Variants in SLC4A4 observed in about 807,000 individuals in gnomAD.
The protein encoded by SLC4A4 is solute carrier family 4 member 4.
Under a neutral mutation model 111.5 loss-of-function variants are expected in SLC4A4, and 27 were observed. The observed-to-expected ratio is 0.24, with a 90% CI of 0.18 to 0.33. The LOEUF is 0.33. SLC4A4 is among the 10% of genes least tolerant of loss of function. SLC4A4 has a pLI of 1.00. For synonymous variants in SLC4A4, 443 were observed against 463.4 expected, an observed-to-expected ratio of 0.96 and a Z score of 0.57; for missense variants, 909 against 1,315.5, an observed-to-expected ratio of 0.69 and a Z score of 4.78.
intron 2 of SLC4A4, among the ~76,000 whole-genome samples, chr4:71,101,163 G>C (rs966922632): frequency 2.6e-5 from 4 of 152,194 alleles, no homozygotes; most frequent in Non-Finnish European, 5.9e-5. Context: ...GGAGGCTGAG[G>C]CAGGAGAATG....
Position 71,236,556 on chromosome 4 carries a change from T to C in SLC4A4, c.-1-20T>C. ...CCAGGAGAAGTCTGAGCATTCTTTT[T>C]TTCTTTTTTATTACTATAGGATGGA... On this transcript the variant is annotated intron_variant, in intron 1 of 25. Transcript: ENST00000264485. 1 of 1,609,696 alleles carries C rather than the reference T, an allele frequency of 6.2e-7. No individual in the cohort carries two copies. The highest frequency in any genetic ancestry group is 1.1e-5 in the South Asian group (1 of 90,858).
chr4:71,443,228 G>A (rs758305324), intron 8 of SLC4A4, among the ~76,000 whole-genome samples: 3 of 148,690 alleles, frequency 2.0e-5, no homozygotes, highest in Non-Finnish European at 3.0e-5. Context: ...TTGGCTCACT[G>A]CAACCCCCGC....
At chr4:71,567,264 C>A (rs970624695) in intron 25 of SLC4A4, among the ~76,000 whole-genome samples, 181 bp downstream of exon 25, 1 of 151,656 alleles carries the variant, frequency 6.6e-6, no homozygotes, top group East Asian at 2.0e-4. Flanking sequence ...TTCTAAGAGA[C>A]CTAGTTACTA....
intron 24 of SLC4A4, 57 bp from the exon 25 acceptor site, chr4:71,566,947 G>A: frequency 7.0e-7 from 1 of 1,431,040 alleles, no homozygotes; most frequent in Non-Finnish European, 9.8e-7. Context: ...GAAGATTTTT[G>A]TTTTATACTT....
intron 16 of SLC4A4, among the ~76,000 whole-genome samples, chr4:71,514,510 G>A (rs1010171384): frequency 1.3e-5 from 2 of 152,132 alleles, no homozygotes; most frequent in Non-Finnish European, 2.9e-5. Context: ...AAAGTAATGC[G>A]ATAATTGACT....
At chr4:71,191,873 GTA>G (rs1251872420) in intron 1 of SLC4A4, among the ~76,000 whole-genome samples, 1 of 152,106 alleles carries the variant, frequency 6.6e-6, no homozygotes, top group African/African-American at 2.4e-5. Context: ...TGTGGAAAAG[GTA>G]TACTCCTTGA....
chr4:71,563,032 T>TA (rs1006413727), intron 23 of SLC4A4, among the ~76,000 whole-genome samples: 5 of 151,638 alleles, frequency 3.3e-5, no homozygotes, highest in Admixed American at 6.6e-5. Context: ...ATAATGCATT[T>TA]AAAAAAAACA....
At chr4:71,361,419 C>A (rs1426619317) in intron 6 of SLC4A4, among the ~76,000 whole-genome samples, 2 of 152,174 alleles carry the variant, frequency 1.3e-5, no homozygotes, top group Admixed American at 1.3e-4. Flanking sequence ...GTGAGGCAAG[C>A]TTTCAAAATG....
At chr4:71,448,424 A>G (rs1474208937) in intron 9 of SLC4A4, among the ~76,000 whole-genome samples, 2 of 151,944 alleles carry the variant, frequency 1.3e-5, no homozygotes, top group East Asian at 1.9e-4. Flanking sequence ...TATATTCTAT[A>G]TTATTTCAGA....
chr4:71,387,000 G>A (rs1351693020), intron 6 of SLC4A4, among the ~76,000 whole-genome samples: 1 of 152,156 alleles, frequency 6.6e-6, no homozygotes, highest in African/African-American at 2.4e-5. Context: ...GTCTTTTCTG[G>A]ATACTTCTTG....
intron 3 of SLC4A4, among the ~76,000 whole-genome samples, chr4:71,325,939 TTTAG>T (rs962438056): frequency 6.6e-5 from 10 of 152,080 alleles, no homozygotes; most frequent in Admixed American, 3.9e-4. Flanking sequence ...ACTTTATTCA[TTTAG>T]TTATTCTCAT....
At chr4:71,094,603 G>A (rs911719242) in intron 2 of SLC4A4, among the ~76,000 whole-genome samples, 2 of 152,136 alleles carry the variant, frequency 1.3e-5, no homozygotes, top group African/African-American at 4.8e-5. Context: ...TGTAGTTAGG[G>A]GAAGCTCTAG....
At chr4:71,293,755 C>G (rs1349011076) in intron 3 of SLC4A4, among the ~76,000 whole-genome samples, 1 of 152,098 alleles carries the variant, frequency 6.6e-6, no homozygotes, top group East Asian at 1.9e-4. Context: ...TTAGATAATT[C>G]TTTTAGAACT....
chr4:71,473,167 C>G, intron 14 of SLC4A4, 197 bp downstream of exon 14: 1 of 711,804 alleles, frequency 1.4e-6, no homozygotes, highest in Non-Finnish European at 2.5e-6. Context: ...GGAAGGAGAC[C>G]AGGAGCTCTG....
chr4:71,258,181 A>G (rs1016762499), intron 3 of SLC4A4, among the ~76,000 whole-genome samples: 6 of 152,264 alleles, frequency 3.9e-5, no homozygotes, highest in Middle Eastern at 3.4e-3. Flanking sequence ...ACTTTACTCC[A>G]GATACATTGA....
intron 18 of SLC4A4, among the ~76,000 whole-genome samples, chr4:71,537,555 T>C (rs538143947): frequency 3.3e-5 from 5 of 152,034 alleles, no homozygotes; most frequent in African/African-American, 9.7e-5. Context: ...ACAGAGATAA[T>C]GTGAATTCCA....
chr4:71,447,511 A>G (rs1725347423), intron 8 of SLC4A4, 135 bp from the exon 9 acceptor site: 15 of 703,424 alleles, frequency 2.1e-5, no homozygotes, highest in South Asian at 1.8e-4. Flanking sequence ...ACTACCAATA[A>G]TATATTACCT....
At chr4:71,217,097 T>C (rs1718474460) in intron 1 of SLC4A4, among the ~76,000 whole-genome samples, 1 of 152,202 alleles carries the variant, frequency 6.6e-6, no homozygotes, top group African/African-American at 2.4e-5. Flanking sequence ...GAATAAGAAT[T>C]GAGCAAGAAA....
intron 3 of SLC4A4, among the ~76,000 whole-genome samples, chr4:71,285,214 T>C (rs1723819941): frequency 6.6e-6 from 1 of 152,150 alleles, no homozygotes; most frequent in South Asian, 2.1e-4. Context: ...AGATATTTGC[T>C]TAACTCAAGA....
Sources: allele counts gnomAD v4.1 joint callset (sites outside exome capture counted in the v4.1 genomes callset), GRCh38; gene constraint gnomAD v4.1.1; transcripts MANE v1.5; gene names NCBI Gene and HGNC (gene_info 2026-07-23, HGNC 2026-07-21).